Variants in ANKS1A observed in about 807,000 individuals in gnomAD.
ANKS1A encodes the protein ankyrin repeat and sterile alpha motif domain containing 1A, also known as ankyrin repeat and SAM domain-containing protein 1A.
Under a neutral mutation model 120.3 loss-of-function variants are expected in ANKS1A, and 55 were observed. The observed-to-expected ratio is 0.46, with a 90% CI of 0.37 to 0.57. The LOEUF (loss-of-function observed/expected upper bound fraction) is 0.57. Ranked by LOEUF, ANKS1A falls within the 20% of genes least tolerant of loss-of-function variation. The probability of loss-of-function intolerance (pLI) is 0.00; values close to 1 mark genes in which losing one functional copy is unlikely to be tolerated. For missense variants in ANKS1A, 1,123 were observed against 1,480.3 expected (o/e 0.76, Z 3.96); for synonymous variants, 590 against 604.7 (o/e 0.98, Z 0.36).
intron 11 of ANKS1A, among the ~76,000 whole-genome samples, chr6:35,030,907 C>G (rs917494205): frequency 6.6e-6 from 1 of 152,226 alleles, no homozygotes; most frequent in Non-Finnish European, 1.5e-5. Flanking sequence ...TGAACATCCT[C>G]TTGAAATCGT....
intron 16 of ANKS1A, among the ~76,000 whole-genome samples, chr6:35,080,689 G>C (rs959170348): frequency 1.3e-5 from 2 of 152,210 alleles, no homozygotes; most frequent in Non-Finnish European, 2.9e-5. Context: ...CTGACTGACA[G>C]GGCTCCATTT....
chr6:35,021,295 C>T (rs928953326), intron 11 of ANKS1A, among the ~76,000 whole-genome samples: 2 of 152,158 alleles, frequency 1.3e-5, no homozygotes, highest in Non-Finnish European at 2.9e-5. Flanking sequence ...TCTGAAGGTG[C>T]TTGGGCCTAG....
chr6:34,947,556 A>G (rs1769866909), intron 1 of ANKS1A, among the ~76,000 whole-genome samples: 1 of 152,196 alleles, frequency 6.6e-6, no homozygotes, highest in Admixed American at 6.5e-5. Flanking sequence ...TTAGGAGGTG[A>G]TAGGACTTTC....
Position 35,082,662 on chromosome 6 carries a change from G to GC in ANKS1A, c.2710-28dup, listed in dbSNP as rs749215312. 1.2e-4 allele frequency: 191 copies of GC among 1,593,768 alleles called. 4 individuals carry two copies. In the Admixed American group the frequency reaches 3.0e-3, roughly 25 times the overall value. ...CCCATGTGCTCCTCTGGAGCAAGGA[G>GC]CAGGTGTCCAATTGCGTGTGTTTCG... On this transcript the variant is annotated intron_variant, in intron 17 of 23. Coordinates refer to ENST00000360359, the MANE Select transcript of ANKS1A (RefSeq NM_015245.3). This position sits in a 1 kb window ranked among gnomAD's most constrained non-coding sequence, Gnocchi z 4.1.
chr6:35,017,578 G>A lies in ANKS1A; in HGVS notation c.1529G>A (p.Cys510Tyr), dbSNP rs766175599. ...SGLLHGSSPVCEVGQDPFQLL... is the reference protein window; with the variant it reads ...SGLLHGSSPVYEVGQDPFQLL... ...CTCCTCCACGGCTCCTCCCCGGTGT[G>A]CGAGGTGGGGCAGGACCCTTTCCAG... The change falls in exon 11 of 24, where the codon TGC becomes TAC. Residue 510 changes from cysteine to tyrosine, a missense_variant. Transcript: ENST00000360359. The A allele has an allele frequency of 7.4e-6, 12 of 1,614,048 alleles. No individual in the cohort carries two copies. In the South Asian group the frequency reaches 1.1e-4, roughly 15 times the overall value.
rs377411550 is a variant in ANKS1A at position 35,047,843 on chromosome 6, A to C, written c.2011-6256A>C. Among the ~76,000 whole-genome samples the C allele has an allele frequency of 9.8e-5, 15 of 152,294 alleles. No individual in the cohort carries two copies. The South Asian group carries it at 2.9e-3, about 29-fold the overall frequency. The stretch of plus-strand genomic sequence containing the variant: ...TGGTTCCGTGTATTTCCTTCACGTC[A>C]TGTCAAGTCAGGGCCATGTATTTCC... On this transcript the variant is annotated intron_variant, in intron 11 of 23. Transcript: ENST00000360359.
In ANKS1A at chr6:35,084,355, C is replaced by T. The variant is rs934324170; in HGVS notation, c.3132+97C>T. On this transcript the variant is annotated intron_variant, in intron 21 of 23. Coordinates refer to ENST00000360359, the MANE Select transcript of ANKS1A (RefSeq NM_015245.3). The surrounding 1 kb of genome is among the most constrained non-coding windows in gnomAD (Gnocchi z 4.8). ...GCACAGATGCGGCGCTGTCCTGGCC[C>T]CTGGCCAGTGCCTGGCAAATGTTTG... 1.6e-5 allele frequency: 23 copies of T among 1,483,270 alleles called. No homozygotes were observed. The highest frequency in any genetic ancestry group is 2.0e-5 in the Non-Finnish European group (22 of 1,111,108). The allele number at this position is 1,483,270 out of a possible 1,614,324, so 91.9% of individuals were successfully genotyped here. A position where few individuals can be genotyped will look rare whatever the true frequency, so the allele number is the denominator to read the frequency against.
intron 1 of ANKS1A, among the ~76,000 whole-genome samples, chr6:34,938,683 G>A (rs548614338): frequency 2.0e-5 from 3 of 146,798 alleles, no homozygotes; most frequent in African/African-American, 8.1e-5. Flanking sequence ...GAGTTTGAAA[G>A]AGTCTTATAA....
rs1462160632 is a variant in ANKS1A at position 35,090,014 on chromosome 6, C to T, written c.*1405C>T. The T allele has an allele frequency of 8.2e-7, 1 of 1,220,048 alleles. No homozygotes were observed. The highest frequency in any genetic ancestry group is 1.6e-5 in the African/African-American group (1 of 63,822). 75.6% of individuals were successfully genotyped at this position (1,220,048 alleles called of 1,614,324 possible). ...TGCAGGGAGTACTGTTAGGCACATTCTTAACCCATGTGGTTGGCCAGAAAT... is the reference window on the plus strand; with the variant it reads ...TGCAGGGAGTACTGTTAGGCACATTTTTAACCCATGTGGTTGGCCAGAAAT... On this transcript the variant is annotated 3_prime_UTR_variant, in exon 24 of 24. Coordinates refer to ENST00000360359, the MANE Select transcript of ANKS1A (RefSeq NM_015245.3).
chr6:34,890,128 G>A (rs373220753), intron 1 of ANKS1A, among the ~76,000 whole-genome samples: 2 of 151,052 alleles, frequency 1.3e-5, no homozygotes, highest in East Asian at 1.9e-4. Flanking sequence ...GACTTGTTCT[G>A]TCAGCCAGGC....
chr6:34,937,779 T>C (rs1287967955), intron 1 of ANKS1A, among the ~76,000 whole-genome samples: 2 of 152,098 alleles, frequency 1.3e-5, no homozygotes, highest in African/African-American at 4.8e-5. Context: ...CCACCGAAGG[T>C]TTTAGAGTGG....
chr6:35,039,892 A>G (rs1247888464), intron 11 of ANKS1A, among the ~76,000 whole-genome samples: 1 of 152,220 alleles, frequency 6.6e-6, no homozygotes, highest in Non-Finnish European at 1.5e-5. Context: ...GTCCAAGATC[A>G]TGGTGCCAGC....
At position 34,982,278 on chromosome 6, in the gene ANKS1A, A is replaced by G. The variant is rs1771944318; in HGVS notation, c.732+292A>G. On this transcript the variant is annotated intron_variant, in intron 4 of 23. Coordinates refer to ENST00000360359, the MANE Select transcript of ANKS1A (RefSeq NM_015245.3). This position sits in a 1 kb window ranked among gnomAD's most constrained non-coding sequence, Gnocchi z 4.9. ...GAAAAGTTTCATTATCTTCCTATCC[A>G]TGTGTTCCCACTGCCACCATTTAGC... Among the ~76,000 whole-genome samples, 1 of 152,128 alleles carries G rather than the reference A, an allele frequency of 6.6e-6. No homozygotes were observed. The highest frequency in any genetic ancestry group is 6.5e-5 in the Admixed American group (1 of 15,272).
At chr6:35,028,336 C>T (rs1274436284) in intron 11 of ANKS1A, among the ~76,000 whole-genome samples, 1 of 152,194 alleles carries the variant, frequency 6.6e-6, no homozygotes, top group Non-Finnish European at 1.5e-5. Flanking sequence ...CATCTTCACA[C>T]TGTACTTCAA....
chr6:35,059,791 C>T (rs1448324262), intron 12 of ANKS1A, among the ~76,000 whole-genome samples: 1 of 152,196 alleles, frequency 6.6e-6, no homozygotes, highest in South Asian at 2.1e-4. Flanking sequence ...TCAGCACGCA[C>T]GCTGATGAGG....
intron 13 of ANKS1A, among the ~76,000 whole-genome samples, chr6:35,067,443 C>T (rs1776830961): frequency 6.6e-6 from 1 of 152,186 alleles, no homozygotes; most frequent in Non-Finnish European, 1.5e-5. Context: ...CTGGGGACTG[C>T]ATAAACCACC....
At chr6:34,936,067 A>G (rs1451434421) in intron 1 of ANKS1A, among the ~76,000 whole-genome samples, 2 of 150,978 alleles carry the variant, frequency 1.3e-5, no homozygotes, top group Admixed American at 6.6e-5. Context: ...GTCTCAAAAA[A>G]AAAAAAAAAA....
intron 23 of ANKS1A, 86 bp from the exon 24 acceptor site, chr6:35,088,520 G>A: frequency 1.9e-6 from 3 of 1,559,304 alleles, no homozygotes; most frequent in South Asian, 2.2e-5. Context: ...CGTCTGTCCT[G>A]CTCTGTGTTT....
intron 1 of ANKS1A, among the ~76,000 whole-genome samples, chr6:34,942,971 T>C (rs1769608537): frequency 6.6e-6 from 1 of 151,704 alleles, no homozygotes; most frequent in Non-Finnish European, 1.5e-5. Flanking sequence ...CCTTTTCCTT[T>C]TCCTTTTCCT....
Sources: allele counts gnomAD v4.1 joint callset (sites outside exome capture counted in the v4.1 genomes callset), GRCh38; gene constraint gnomAD v4.1.1; non-coding constraint Gnocchi (gnomAD v3.1); transcripts MANE v1.5; gene names NCBI Gene and HGNC (gene_info 2026-07-23, HGNC 2026-07-21).